Variants in CADPS observed in about 807,000 individuals in gnomAD.
CADPS encodes the protein calcium dependent secretion activator, also known as calcium-dependent secretion activator 1.
In CADPS, 57 loss-of-function variants were observed where a neutral mutation model predicts 167.3. That is an observed-to-expected ratio of 0.34 (90% CI 0.28 to 0.42). The LOEUF (loss-of-function observed/expected upper bound fraction) is 0.42. Among genes scored for constraint, CADPS ranks in the 20% least tolerant of loss-of-function variants. The pLI, the probability that CADPS is intolerant of heterozygous loss-of-function variation, is 1.00. For synonymous variants in CADPS, 676 were observed against 635.3 expected, an observed-to-expected ratio of 1.06 and a Z score of -0.96; for missense variants, 1,414 against 1,738.1, an observed-to-expected ratio of 0.81 and a Z score of 3.32.
chr3:62,629,413 G>A (rs1005766507), intron 6 of CADPS, among the ~76,000 whole-genome samples: 3 of 152,074 alleles, frequency 2.0e-5, no homozygotes, highest in African/African-American at 7.2e-5. Context: ...ATAATTTTTT[G>A]GAGGCTTATC....
intron 3 of CADPS, among the ~76,000 whole-genome samples, chr3:62,669,941 G>C (rs982373914): frequency 1.3e-5 from 2 of 152,128 alleles, no homozygotes; most frequent in African/African-American, 4.8e-5. Flanking sequence ...TTTTGGGTAA[G>C]AAACCAAGCT....
chr3:62,561,917 T>C (rs1263302742), intron 9 of CADPS, among the ~76,000 whole-genome samples: 3 of 152,260 alleles, frequency 2.0e-5, no homozygotes, highest in African/African-American at 7.2e-5. Context: ...GAGTTGTTTA[T>C]AATAGATACA....
At chr3:62,535,724 G>A (rs548913715) in intron 12 of CADPS, among the ~76,000 whole-genome samples, 18 of 151,874 alleles carry the variant, frequency 1.2e-4, no homozygotes, top group South Asian at 4.1e-4. Context: ...TTTTTTAGGC[G>A]TTTGAATTTG....
intron 6 of CADPS, among the ~76,000 whole-genome samples, chr3:62,599,321 C>T (rs995163284): frequency 6.6e-6 from 1 of 150,784 alleles, no homozygotes; most frequent in Non-Finnish European, 1.5e-5. Flanking sequence ...TAAAAATAGC[C>T]ACCAATTATT....
chr3:62,832,075 G>C (rs887589021), intron 1 of CADPS, among the ~76,000 whole-genome samples: 1 of 152,190 alleles, frequency 6.6e-6, no homozygotes, highest in Admixed American at 6.5e-5. Flanking sequence ...AGGTAAGCAT[G>C]CATGGAAATA....
chr3:62,748,185 A>G (rs2081916601), intron 3 of CADPS, among the ~76,000 whole-genome samples: 1 of 147,128 alleles, frequency 6.8e-6, no homozygotes, highest in Non-Finnish European at 1.5e-5. Flanking sequence ...AAAAAAAAAA[A>G]AAAAAAAAAA....
At chr3:62,778,210 A>T (rs1335301720) in intron 1 of CADPS, among the ~76,000 whole-genome samples, 1 of 152,240 alleles carries the variant, frequency 6.6e-6, no homozygotes, top group African/African-American at 2.4e-5. Flanking sequence ...ATTGGTAAAC[A>T]CATGGGGATA....
chr3:62,825,294 T>C (rs1369546418), intron 1 of CADPS, among the ~76,000 whole-genome samples: 1 of 152,132 alleles, frequency 6.6e-6, no homozygotes, highest in African/African-American at 2.4e-5. Flanking sequence ...GCACTTAATG[T>C]CCTTATTTTA....
At chr3:62,778,016 G>T (rs1208471858) in intron 1 of CADPS, among the ~76,000 whole-genome samples, 1 of 152,084 alleles carries the variant, frequency 6.6e-6, no homozygotes, top group Non-Finnish European at 1.5e-5. Context: ...TTTATCATTG[G>T]CTCGATTCTC....
intron 1 of CADPS, among the ~76,000 whole-genome samples, chr3:62,829,614 G>C (rs1443375053): frequency 6.6e-6 from 1 of 151,996 alleles, no homozygotes; most frequent in Non-Finnish European, 1.5e-5. Context: ...ACTCTTCCAG[G>C]TGTAGTATCA....
intron 1 of CADPS, among the ~76,000 whole-genome samples, chr3:62,825,418 G>GCCTTACATCAGA (rs1451626890): frequency 2.6e-5 from 4 of 152,096 alleles, no homozygotes; most frequent in Non-Finnish European, 5.9e-5. Flanking sequence ...AAATGATCAG[G>GCCTTACATCAGA]CCTTACATCA....
At chr3:62,456,431 G>T (rs1214808168) in intron 26 of CADPS, among the ~76,000 whole-genome samples, 1 of 152,140 alleles carries the variant, frequency 6.6e-6, no homozygotes, top group Non-Finnish European at 1.5e-5. Flanking sequence ...GGTAGACATG[G>T]TTGCCTGCTA....
chr3:62,618,687 C>T (rs1239497226), intron 6 of CADPS, among the ~76,000 whole-genome samples: 6 of 152,246 alleles, frequency 3.9e-5, no homozygotes, highest in Middle Eastern at 3.4e-3. Context: ...ATATTTTGTT[C>T]TTCCCACTGG....
chr3:62,780,568 T>C (rs1045104146), intron 1 of CADPS, among the ~76,000 whole-genome samples: 1 of 152,194 alleles, frequency 6.6e-6, no homozygotes. Flanking sequence ...ATTACTTTTT[T>C]CTACTGATTA....
At chr3:62,695,644 G>T (rs1170195965) in intron 3 of CADPS, among the ~76,000 whole-genome samples, 1 of 151,942 alleles carries the variant, frequency 6.6e-6, no homozygotes, top group Admixed American at 6.6e-5. Flanking sequence ...AACCTAATTT[G>T]CCACCATAAC....
intron 6 of CADPS, among the ~76,000 whole-genome samples, chr3:62,635,348 T>C (rs1053731319): frequency 6.6e-6 from 1 of 152,166 alleles, no homozygotes; most frequent in African/African-American, 2.4e-5. Flanking sequence ...GCAACTCTAC[T>C]GTACTACTGC....
intron 26 of CADPS, among the ~76,000 whole-genome samples, chr3:62,462,481 C>A (rs561968864): frequency 2.6e-5 from 4 of 152,338 alleles, no homozygotes; most frequent in Admixed American, 2.6e-4. Flanking sequence ...GGAAAGGAGG[C>A]GCTCAGCGGG....
chr3:62,516,561 C>T lies in CADPS; in HGVS notation c.2457+19G>A. On this transcript the variant is annotated intron_variant, in intron 15 of 29. Transcript: ENST00000383710. ...GTCTTTTTATATATATGTGATCTAT[C>T]TTTTACTTTCATTCTTACCCTTTCC... is the stretch of plus-strand genomic sequence containing the variant. The T allele has an allele frequency of 1.3e-6, 2 of 1,567,598 alleles. No homozygotes were observed. The highest frequency in any genetic ancestry group is 1.7e-6 in the Non-Finnish European group (2 of 1,146,028).
At chr3:62,671,734 T>G (rs887425687) in intron 3 of CADPS, among the ~76,000 whole-genome samples, 5 of 151,996 alleles carry the variant, frequency 3.3e-5, no homozygotes, top group African/African-American at 1.2e-4. Flanking sequence ...AATATGATAT[T>G]CCGGGTTGGG....
Sources: allele counts gnomAD v4.1 joint callset (sites outside exome capture counted in the v4.1 genomes callset), GRCh38; gene constraint gnomAD v4.1.1; transcripts MANE v1.5; gene names NCBI Gene and HGNC (gene_info 2026-07-23, HGNC 2026-07-21).